COG6: variants seen among roughly 807,000 people sequenced by gnomAD.
COG6 encodes the protein component of oligomeric golgi complex 6, also known as conserved oligomeric Golgi complex subunit 6.
In COG6, 74 loss-of-function variants were observed where a neutral mutation model predicts 88.8. That is an observed-to-expected ratio of 0.83 (90% CI 0.69 to 1.01). The LOEUF (loss-of-function observed/expected upper bound fraction) is 1.01. Ranked by LOEUF, COG6 falls within the 50% of genes least tolerant of loss-of-function variation. The pLI, the probability that COG6 is intolerant of heterozygous loss-of-function variation, is 0.00. For synonymous variants in COG6, 286 were observed against 278.7 expected (o/e 1.03, Z -0.26); for missense variants, 800 against 797.9 (o/e 1.00, Z -0.03).
intron 9 of COG6, 32 bp downstream of exon 9, chr13:39,687,663 A>G: frequency 6.2e-7 from 1 of 1,613,894 alleles, no homozygotes; most frequent in Non-Finnish European, 8.5e-7. Context: ...AGAGGAGTTG[A>G]TGTTTTTCCA....
intron 4 of COG6, among the ~76,000 whole-genome samples, chr13:39,676,414 A>G (rs1216866952): frequency 1.3e-5 from 2 of 152,204 alleles, no homozygotes; most frequent in Non-Finnish European, 2.9e-5. Flanking sequence ...TTAGATATCA[A>G]TAATAAGATG....
intron 18 of COG6, among the ~76,000 whole-genome samples, chr13:39,728,958 C>T (rs930926785): frequency 4.6e-5 from 7 of 152,120 alleles, no homozygotes; most frequent in African/African-American, 1.7e-4. Flanking sequence ...CCACTGCGCC[C>T]GGCCAATGTG....
At chr13:39,724,608 A>T (rs1412948448) in intron 17 of COG6, 47 bp downstream of exon 17, 1 of 1,362,894 alleles carries the variant, frequency 7.3e-7, no homozygotes. Context: ...TTATGGATCG[A>T]TAGTCTTCAT....
chr13:39,741,326 T>C (rs1306143458), intron 18 of COG6, among the ~76,000 whole-genome samples: 1 of 152,122 alleles, frequency 6.6e-6, no homozygotes, highest in African/African-American at 2.4e-5. Flanking sequence ...AAGGAGGATG[T>C]TCGAACCCAT....
intron 18 of COG6, among the ~76,000 whole-genome samples, chr13:39,759,648 T>C (rs992966493): frequency 2.6e-5 from 4 of 152,178 alleles, no homozygotes; most frequent in Non-Finnish European, 5.9e-5. Flanking sequence ...GGAAGATAGA[T>C]AATATAATTA....
chr13:39,695,648 G>A lies in COG6; in HGVS notation c.1166+923G>A, dbSNP rs142221523. 2.9e-3 allele frequency among the ~76,000 whole-genome samples: 447 copies of A among 151,924 alleles called. 1 individual carries two copies. The highest frequency in any genetic ancestry group is 8.4e-3 in the Admixed American group (128 of 15,218). On this transcript the variant is annotated intron_variant, in intron 12 of 18. Coordinates refer to ENST00000455146, the MANE Select transcript of COG6 (RefSeq NM_020751.3). ...GTAAGGTTATCACCTACCCCTTAGTGACAGAGAGTAGCCACCCAGAACTTA... is the reference window on the plus strand; with the variant it reads ...GTAAGGTTATCACCTACCCCTTAGTAACAGAGAGTAGCCACCCAGAACTTA...
At chr13:39,704,573 C>T (rs1259712411) in intron 13 of COG6, among the ~76,000 whole-genome samples, 1 of 152,116 alleles carries the variant, frequency 6.6e-6, no homozygotes, top group Non-Finnish European at 1.5e-5. Context: ...ACTGGTCTTG[C>T]TGTCTCAGAG....
At chr13:39,788,498 ACT>A (rs1278548793) in exon 19 of COG6, 2 of 715,694 alleles carry the variant, frequency 2.8e-6, no homozygotes, top group Non-Finnish European at 2.4e-6. Flanking sequence ...CTACTCTGTG[ACT>A]CTTCATCTGG....
chr13:39,657,642 A>G (rs1231203451), intron 1 of COG6, among the ~76,000 whole-genome samples: 2 of 152,112 alleles, frequency 1.3e-5, no homozygotes, highest in African/African-American at 2.4e-5. Flanking sequence ...AATCCAGCCA[A>G]TATTTCAAAA....
chr13:39,766,472 C>G (rs1268885205), intron 18 of COG6, among the ~76,000 whole-genome samples: 1 of 152,128 alleles, frequency 6.6e-6, no homozygotes, highest in Admixed American at 6.5e-5. Flanking sequence ...GCCTTTGTAA[C>G]TCCAAATTTC....
chr13:39,768,032 TTCTA>T (rs1881216896), intron 18 of COG6, among the ~76,000 whole-genome samples: 1 of 152,160 alleles, frequency 6.6e-6, no homozygotes, highest in Admixed American at 6.5e-5. Flanking sequence ...CCAGGGTCTC[TTCTA>T]TCTAGGTGGC....
chr13:39,723,393 G>A lies in COG6; in HGVS notation c.1645G>A (p.Gly549Ser). ...AGCCTCTTATGTTTTAACTAGGGTAGGCTTGAGTTACATCTATAACACTGT... is the reference window on the plus strand; with the variant it reads ...AGCCTCTTATGTTTTAACTAGGGTAAGCTTGAGTTACATCTATAACACTGT... The part of the protein sequence containing the change: ...EQASYVLTRV[G>S]LSYIYNTVQQ... The change falls in exon 16 of 19, where the codon GGC becomes AGC. Residue 549 changes from glycine (G) to serine (S), a missense_variant. Physicochemically the swap from Gly to Ser is moderately conservative, Grantham distance 56. Transcript: ENST00000455146. 2 of 1,611,508 alleles carry A rather than the reference G, an allele frequency of 1.2e-6. No individual in the cohort carries two copies. The highest frequency in any genetic ancestry group is 1.7e-6 in the Non-Finnish European group (2 of 1,177,914).
intron 18 of COG6, among the ~76,000 whole-genome samples, chr13:39,737,108 G>T (rs553871935): frequency 6.6e-6 from 1 of 152,238 alleles, no homozygotes; most frequent in South Asian, 2.1e-4. Context: ...AGATCCAGGA[G>T]AACTTCCTGG....
chr13:39,717,989 G>A (rs151306073), intron 13 of COG6, among the ~76,000 whole-genome samples: 29 of 152,210 alleles, frequency 1.9e-4, no homozygotes, highest in African/African-American at 6.5e-4. Flanking sequence ...TTTATTTGGT[G>A]AGACATTGTT....
intron 13 of COG6, among the ~76,000 whole-genome samples, chr13:39,704,186 C>T (rs896547573): frequency 3.3e-5 from 5 of 151,930 alleles, no homozygotes; most frequent in African/African-American, 1.2e-4. Context: ...TTTTATTAGT[C>T]ATGTAAAAGT....
chr13:39,727,381 A>T, intron 17 of COG6, 88 bp from the exon 18 acceptor site: 1 of 989,192 alleles, frequency 1.0e-6, no homozygotes, highest in Non-Finnish European at 1.6e-6. Context: ...TTTCTCAAGG[A>T]TTTAATTCTT....
intron 13 of COG6, among the ~76,000 whole-genome samples, chr13:39,714,193 A>G (rs977349882): frequency 3.3e-5 from 5 of 150,604 alleles, no homozygotes; most frequent in Non-Finnish European, 5.9e-5. Flanking sequence ...TTTGTTTGGC[A>G]ATTAAAAATC....
intron 4 of COG6, among the ~76,000 whole-genome samples, chr13:39,669,982 T>G (rs575068033): frequency 2.0e-5 from 3 of 151,978 alleles, no homozygotes; most frequent in Non-Finnish European, 4.4e-5. Context: ...AACAAGAAAC[T>G]TTGTTAAACA....
downstream of COG6, among the ~76,000 whole-genome samples, chr13:39,752,913 C>G (rs1880713905): frequency 6.6e-6 from 1 of 152,162 alleles, no homozygotes; most frequent in Non-Finnish European, 1.5e-5. Context: ...GGCATGTCTG[C>G]CCTTCTTTCA....
Sources: gnomAD v4.1 joint callset for allele counts (sites outside exome capture counted in the v4.1 genomes callset) on GRCh38, gnomAD v4.1.1 for gene constraint, MANE v1.5 for transcripts, NCBI Gene and HGNC (gene_info 2026-07-23, HGNC 2026-07-21) for gene names.